NYAP2: variants seen among roughly 807,000 people sequenced by gnomAD.
NYAP2 encodes neuronal tyrosine-phosphorylated phosphoinositide-3-kinase adaptor 2.
NYAP2 carries 23 observed loss-of-function variants against 50.4 expected under a neutral mutation model. The ratio of observed to expected loss-of-function variants is 0.46; its 90% CI spans 0.33 to 0.65. NYAP2 has a LOEUF of 0.65. Among genes scored for constraint, NYAP2 ranks in the 30% least tolerant of loss-of-function variants. The probability of loss-of-function intolerance (pLI) is 0.02; values close to 1 mark genes in which losing one functional copy is unlikely to be tolerated. For synonymous variants in NYAP2, 394 were observed against 365.2 expected, an observed-to-expected ratio of 1.08 and a Z score of -0.90; for missense variants, 885 against 861.0, an observed-to-expected ratio of 1.03 and a Z score of -0.35.
intron 5 of NYAP2, among the ~76,000 whole-genome samples, chr2:225,596,798 G>A: frequency 6.6e-6 from 1 of 152,112 alleles, no homozygotes; most frequent in East Asian, 1.9e-4. Flanking sequence ...GAAAAGAGAA[G>A]TCAGTCCCAT....
intron 3 of NYAP2, among the ~76,000 whole-genome samples, chr2:225,428,660 T>A (rs1559177140): frequency 6.6e-6 from 1 of 152,224 alleles, no homozygotes; most frequent in African/African-American, 2.4e-5. Flanking sequence ...GACCTAATTG[T>A]CATCACCTAG....
At chr2:225,538,838 CTTTCTTTCTTTG>C (rs1430003103) in intron 4 of NYAP2, among the ~76,000 whole-genome samples, 2,024 of 53,552 alleles carry the variant, frequency 0.038, 128 homozygotes, top group African/African-American at 0.13. Context: ...TTCTTTCTTT[CTTTCTTTCTTTG>C]TTTTTATTAT....
At chr2:225,595,001 A>T (rs1692571959) in intron 5 of NYAP2, among the ~76,000 whole-genome samples, 2 of 152,246 alleles carry the variant, frequency 1.3e-5, no homozygotes, top group South Asian at 4.1e-4. Flanking sequence ...CTAGAAAAGA[A>T]CCCAGAACAG....
intron 4 of NYAP2, among the ~76,000 whole-genome samples, chr2:225,559,086 T>C (rs905516242): frequency 6.6e-6 from 1 of 152,130 alleles, no homozygotes; most frequent in Non-Finnish European, 1.5e-5. Context: ...TCTCTGTTTA[T>C]GTTTTAGAAT....
intron 5 of NYAP2, among the ~76,000 whole-genome samples, chr2:225,625,043 TAAAAAAAAAAAA>T (rs386392796): frequency 1.1e-4 from 8 of 69,630 alleles, no homozygotes; most frequent in Admixed American, 4.4e-4. Flanking sequence ...AACCCAAGCG[TAAAAAAAAAAAA>T]AAAAAAAAAA....
chr2:225,651,320 C>A, intron 6 of NYAP2, 112 bp from the exon 7 acceptor site: 2 of 1,384,504 alleles, frequency 1.4e-6, no homozygotes, highest in African/African-American at 1.4e-5. Context: ...ACATCAGGAG[C>A]ATTTTGTATA....
At chr2:225,432,207 A>G (rs1209310557) in intron 3 of NYAP2, among the ~76,000 whole-genome samples, 1 of 139,920 alleles carries the variant, frequency 7.1e-6, no homozygotes, top group African/African-American at 2.7e-5. Context: ...CGTGTTAGCC[A>G]GGATGGTCTT....
At chr2:225,583,086 A>T (rs1692328031) in intron 5 of NYAP2, 51 bp downstream of exon 5, 6 of 1,568,968 alleles carry the variant, frequency 3.8e-6, no homozygotes, top group Non-Finnish European at 5.2e-6. Context: ...CAGGCTTACA[A>T]CCAGGGTGAA....
chr2:225,590,781 T>C (rs574118098), intron 5 of NYAP2, among the ~76,000 whole-genome samples: 1 of 152,212 alleles, frequency 6.6e-6, no homozygotes, highest in African/African-American at 2.4e-5. Flanking sequence ...CAGGGTAACG[T>C]AGATTCAAAA....
chr2:225,595,042 A>G (rs1692572780), intron 5 of NYAP2, among the ~76,000 whole-genome samples: 1 of 152,250 alleles, frequency 6.6e-6, no homozygotes, highest in African/African-American at 2.4e-5. Flanking sequence ...TCCAATGCAG[A>G]AGTCCGTAAT....
At chr2:225,650,266 G>A (rs532146432) in intron 6 of NYAP2, among the ~76,000 whole-genome samples, 1 of 152,282 alleles carries the variant, frequency 6.6e-6, no homozygotes, top group East Asian at 1.9e-4. Context: ...TCTGAAGTGC[G>A]ATTCATATAG....
At chr2:225,668,956 C>CTTT in the NYAP2 span, among the ~76,000 whole-genome samples, 37 of 69,574 alleles carry the variant, frequency 5.3e-4, no homozygotes, top group African/African-American at 1.1e-3. Context: ...GTGTCCCCTG[C>CTTT]TTTTTTTTTT....
Position 225,438,945 on chromosome 2 carries a change from AGTGGT to A in NYAP2, c.221+29848_221+29852del, listed in dbSNP as rs1259575033. Among the ~76,000 whole-genome samples the A allele has an allele frequency of 4.6e-5, 7 of 152,338 alleles. No individual in the cohort carries two copies. The East Asian group carries it at 1.4e-3, about 29-fold the overall frequency. On this transcript the variant is annotated intron_variant, in intron 3 of 6. Coordinates refer to ENST00000636099, the Ensembl canonical transcript of NYAP2. ...ATAATGTGTTTAAGAGACTCAAAGAAGTGGTGTGACTAAAGGAGAATGTTCCGGGT... is the reference window on the plus strand; with the variant it reads ...ATAATGTGTTTAAGAGACTCAAAGAAGTGACTAAAGGAGAATGTTCCGGGT...
intron 5 of NYAP2, among the ~76,000 whole-genome samples, chr2:225,600,521 T>C (rs151169780): frequency 5.6e-4 from 85 of 152,282 alleles, no homozygotes; most frequent in African/African-American, 2.0e-3. Context: ...ATAAACTAAG[T>C]TCCTGCCAAA....
rs1263137157 is a variant in NYAP2 at position 225,518,618 on chromosome 2, T to TTA, written c.523+4961_523+4962dup. ...TATATATATATATTAGCTTGTGAGCTTATATATATATATATAAATAAATTA... is the reference window on the plus strand; with the variant it reads ...TATATATATATATTAGCTTGTGAGCTTATATATATATATATATAAATAAATTA... On this transcript the variant is annotated intron_variant, in intron 4 of 6. Coordinates refer to ENST00000636099, the Ensembl canonical transcript of NYAP2. Among the ~76,000 whole-genome samples the TTA allele has an allele frequency of 2.2e-3, 292 of 133,680 alleles. 1 individual carries two copies. The highest frequency in any genetic ancestry group is 4.1e-3 in the South Asian group (17 of 4,150). The allele number at this position is 133,680 out of a possible 152,430, so 87.7% of individuals were successfully genotyped here.
intron 3 of NYAP2, among the ~76,000 whole-genome samples, chr2:225,441,903 T>C (rs943274267): frequency 1.3e-5 from 2 of 152,214 alleles, no homozygotes; most frequent in Non-Finnish European, 2.9e-5. Flanking sequence ...ACCTATGTCA[T>C]ACATACCCAT....
chr2:225,676,253 GT>G, the NYAP2 span, among the ~76,000 whole-genome samples: 1 of 151,546 alleles, frequency 6.6e-6, no homozygotes, highest in South Asian at 2.1e-4. Context: ...GGTATTTCCT[GT>G]TTTTTTTCTA....
intron 6 of NYAP2, among the ~76,000 whole-genome samples, chr2:225,631,090 C>T (rs1280041060): frequency 6.6e-6 from 1 of 152,158 alleles, no homozygotes; most frequent in African/African-American, 2.4e-5. Context: ...CTGGGGAAAT[C>T]CACACATTTC....
chr2:225,611,611 T>C (rs557792293), intron 5 of NYAP2, among the ~76,000 whole-genome samples: 63 of 152,154 alleles, frequency 4.1e-4, no homozygotes, highest in African/African-American at 1.4e-3. Context: ...AAAAAAATCA[T>C]CTATTATATC....
Sources: allele counts gnomAD v4.1 joint callset (sites outside exome capture counted in the v4.1 genomes callset), GRCh38; gene constraint gnomAD v4.1.1; transcripts MANE v1.5; gene names NCBI Gene and HGNC (gene_info 2026-07-23, HGNC 2026-07-21).